Variants in MAST3 observed in about 807,000 individuals in gnomAD.
MAST3 encodes the protein microtubule associated serine/threonine kinase 3, also known as microtubule-associated serine/threonine-protein kinase 3.
In MAST3, 43 loss-of-function variants were observed where a neutral mutation model predicts 127.0. The observed-to-expected ratio is 0.34, with a 90% confidence interval of 0.27 to 0.44. MAST3 has a LOEUF of 0.44. Ranked by LOEUF, MAST3 falls within the 20% of genes least tolerant of loss-of-function variation. The pLI, the probability that MAST3 is intolerant of heterozygous loss-of-function variation, is 1.00. For missense variants in MAST3, 1,390 were observed against 1,919.1 expected (o/e 0.72, Z 5.15); for synonymous variants, 785 against 809.2 (o/e 0.97, Z 0.51).
rs2043322448 is a variant in MAST3, at chr19:18,149,039, C to A, written c.3509-152C>A. ...GTGCACTACAGTCTGGGCAACAGAG[C>A]AAGACCCTGTCTCAAAAACAAAAAC... On this transcript the variant is annotated intron_variant, in intron 27 of 27. Transcript: ENST00000687212. This position sits in a 1 kb window ranked among gnomAD's most constrained non-coding sequence, Gnocchi z 5.9. 6.6e-6 allele frequency among the ~76,000 whole-genome samples: 1 copy of A among 152,034 alleles called. No individual in the cohort carries two copies. The highest frequency in any genetic ancestry group is 6.6e-5 in the Admixed American group (1 of 15,258).
intron 15 of MAST3, among the ~76,000 whole-genome samples, chr19:18,134,236 A>G (rs1174905627): frequency 6.6e-6 from 1 of 152,070 alleles, no homozygotes; most frequent in Non-Finnish European, 1.5e-5. Flanking sequence ...ATATATATAT[A>G]TACACACACA....
rs759798161 is a variant in MAST3 at position 18,144,719 on chromosome 19, TTGTC to T, written c.2812+33_2812+36del. The T allele has an allele frequency of 8.1e-6, 13 of 1,600,838 alleles. No homozygotes were observed. The highest frequency in any genetic ancestry group is 1.7e-5 in the Admixed American group (1 of 59,986). The stretch of plus-strand genomic sequence containing the variant: ...GTAATGCCCAAGGCCCCTCTCACCT[TTGTC>T]TGTCTGCACCCATTTTCACCAACAG... On this transcript the variant is annotated intron_variant, in intron 23 of 27. Transcript: ENST00000687212. This position sits in a 1 kb window ranked among gnomAD's most constrained non-coding sequence, Gnocchi z 4.0.
rs931523716 is a variant in MAST3 at position 18,124,585 on chromosome 19, T to C, written c.946-57T>C. 1.2e-5 allele frequency: 18 copies of C among 1,516,304 alleles called. No individual in the cohort carries two copies. The Middle Eastern group carries it at 6.8e-4, about 58-fold the overall frequency. The allele number at this position is 1,516,304 out of a possible 1,614,324, so 93.9% of individuals were successfully genotyped here. A position where few individuals can be genotyped will look rare whatever the true frequency, so the allele number is the denominator to read the frequency against. On this transcript the variant is annotated intron_variant, in intron 10 of 27. Transcript: ENST00000687212. ...TGCTCCAGGCAGAGGGAACAGCATGTGCAGAGGCCTGCAGGTGGAACCAAG... is the reference window on the plus strand; with the variant it reads ...TGCTCCAGGCAGAGGGAACAGCATGCGCAGAGGCCTGCAGGTGGAACCAAG...
chr19:18,124,243 T>C, intron 9 of MAST3, 22 bp from the exon 10 acceptor site: 3 of 1,595,558 alleles, frequency 1.9e-6, no homozygotes, highest in Non-Finnish European at 2.6e-6. Context: ...CTGTGGGTGA[T>C]GCCACGACCC....
At chr19:18,118,321 T>C (rs2039544166) in intron 3 of MAST3, 1 of 910,226 alleles carries the variant, frequency 1.1e-6, no homozygotes, top group South Asian at 5.0e-5. Flanking sequence ...CAGAAGTGTG[T>C]CCTGGCCGCG....
chr19:18,135,061 G>A, intron 17 of MAST3, 79 bp downstream of exon 17: 2 of 1,492,794 alleles, frequency 1.3e-6, no homozygotes, highest in Non-Finnish European at 1.8e-6. Context: ...CCGCATGTCA[G>A]GGAGAGAAGC....
At chr19:18,123,702 A>G (rs1289521284) in intron 8 of MAST3, 47 bp downstream of exon 8, 2 of 1,423,076 alleles carry the variant, frequency 1.4e-6, no homozygotes, top group African/African-American at 1.4e-5. Context: ...TTCTTTCCAC[A>G]TTGCTGTCCC....
chr19:18,128,350 G>A, intron 11 of MAST3, 50 bp from the exon 12 acceptor site: 12 of 1,458,786 alleles, frequency 8.2e-6, no homozygotes, highest in Non-Finnish European at 1.0e-5. Flanking sequence ...GCTGGGTGAT[G>A]CAGGGTGAGG....
In MAST3 at chr19:18,123,354, A is replaced by G. The variant is rs768729809; in HGVS notation, c.537A>G (p.Arg179=). 9 of 1,611,090 alleles carry G rather than the reference A, an allele frequency of 5.6e-6. No individual in the cohort carries two copies. In the South Asian group the frequency reaches 8.8e-5, roughly 16 times the overall value. Residue 179 remains arginine, a synonymous_variant, in exon 7 of 28, where the codon CGA becomes CGG. Transcript: ENST00000687212. ...DEEGGRSPRL[R]PRSRSLSPGR... ...AAGGCGGCCGGTCACCCCGCCTCCGACCCCGCTCTCGCAGTCTCAGGTGGG... is the reference window on the plus strand; with the variant it reads ...AAGGCGGCCGGTCACCCCGCCTCCGGCCCCGCTCTCGCAGTCTCAGGTGGG...
chr19:18,108,335 T>C (rs1025326647), intron 2 of MAST3, among the ~76,000 whole-genome samples: 1 of 148,520 alleles, frequency 6.7e-6, no homozygotes, highest in Admixed American at 6.9e-5. Flanking sequence ...ATCACATCAG[T>C]GTTCCTGTAG....
rs11878338 is a variant in MAST3 at position 18,134,142 on chromosome 19, G to A, written c.1572-437G>A. ...CCGGCACTTTGGGAGGCCGAGGCAG[G>A]TGAACTACCTGAGATCAGGAGTTCA... On this transcript the variant is annotated intron_variant, in intron 15 of 27. Transcript: ENST00000687212. Among the ~76,000 whole-genome samples the A allele has an allele frequency of 2.1e-3, 325 of 152,074 alleles. 1 individual carries two copies. The highest frequency in any genetic ancestry group is 6.1e-3 in the African/African-American group (253 of 41,492).
At position 18,145,001 on chromosome 19, in the gene MAST3, A is replaced by C; in HGVS notation, c.2813-2A>C. 1.4e-6 allele frequency: 2 copies of C among 1,475,120 alleles called. No homozygotes were observed. The highest frequency in any genetic ancestry group is 1.9e-6 in the Non-Finnish European group (2 of 1,062,044). 91.4% of individuals were successfully genotyped at this position (1,475,120 alleles called of 1,614,324 possible). On this transcript the variant is annotated splice_acceptor_variant, in intron 23 of 27. Coordinates refer to ENST00000687212, the MANE Select transcript of MAST3 (RefSeq NM_001393504.1). LOFTEE classifies it high-confidence loss of function. The surrounding 1 kb of genome is among the most constrained non-coding windows in gnomAD (Gnocchi z 5.9). ...AGTGACCCCCTCCCTAACCCCCTGCAGATGATGGCAGCGGCGGCCCCCTCA... is the reference window on the plus strand; with the variant it reads ...AGTGACCCCCTCCCTAACCCCCTGCCGATGATGGCAGCGGCGGCCCCCTCA...
At position 18,147,563 on chromosome 19, in the gene MAST3, C is replaced by A. The variant is rs2043156869; in HGVS notation, c.3447C>A (p.Thr1149=). The change falls in exon 27 of 28, where the codon ACC becomes ACA. Residue 1149 remains threonine, a synonymous_variant. Transcript: ENST00000687212. ...SSSESLPGSP[T]HSLSPSPTTP... ...GTGAGAGCCTCCCCGGCTCGCCCAC[C>A]CACAGCCTCTCCCCCAGCCCCACCA... is the stretch of plus-strand genomic sequence containing the variant. 6.3e-7 allele frequency: 1 copy of A among 1,587,488 alleles called. No homozygotes were observed. The highest frequency in any genetic ancestry group is 8.6e-7 in the Non-Finnish European group (1 of 1,167,698).
At chr19:18,108,798 T>A (rs1262816368) in intron 2 of MAST3, among the ~76,000 whole-genome samples, 2 of 152,148 alleles carry the variant, frequency 1.3e-5, no homozygotes, top group Non-Finnish European at 2.9e-5. Context: ...TGGAAGTGTG[T>A]GACTGTGGAC....
chr19:18,136,046 C>T (rs1201579626), intron 18 of MAST3, among the ~76,000 whole-genome samples: 5 of 152,214 alleles, frequency 3.3e-5, no homozygotes, highest in African/African-American at 1.2e-4. Flanking sequence ...GTAGCTGGGT[C>T]TGGTGCCCAT....
At chr19:18,132,726 G>A (rs186264089) in intron 15 of MAST3, among the ~76,000 whole-genome samples, 1 of 152,322 alleles carries the variant, frequency 6.6e-6, no homozygotes, top group East Asian at 1.9e-4. Flanking sequence ...AGGAATGCCT[G>A]TTTGTCAGGT....
chr19:18,099,240 C>T (rs1367397367), intron 1 of MAST3, among the ~76,000 whole-genome samples: 2 of 149,256 alleles, frequency 1.3e-5, no homozygotes, highest in Admixed American at 1.4e-4. Flanking sequence ...GGCTGAGCTG[C>T]AGATCAGAGA....
intron 11 of MAST3, among the ~76,000 whole-genome samples, chr19:18,125,882 A>C (rs2040556974): frequency 6.6e-6 from 1 of 151,092 alleles, no homozygotes; most frequent in Non-Finnish European, 1.5e-5. Context: ...CAATATGCAG[A>C]AACTCCATCT....
At chr19:18,107,005 G>A (rs537249350) in intron 1 of MAST3, among the ~76,000 whole-genome samples, 3 of 117,594 alleles carry the variant, frequency 2.6e-5, no homozygotes, top group East Asian at 2.3e-4. Flanking sequence ...TTGTAGAGAC[G>A]GGGTTTCACT....
Sources: gnomAD v4.1 joint callset for allele counts (sites outside exome capture counted in the v4.1 genomes callset) on GRCh38, gnomAD v4.1.1 for gene constraint, Gnocchi (gnomAD v3.1) non-coding constraint, MANE v1.5 for transcripts, NCBI Gene and HGNC (gene_info 2026-07-23, HGNC 2026-07-21) for gene names.